MAPRE2: variants seen among roughly 807,000 people sequenced by gnomAD.
The protein encoded by MAPRE2 is microtubule-associated protein RP/EB family member 2.
A neutral mutation model predicts 43.2 loss-of-function variants in MAPRE2; 13 were observed. That is an observed-to-expected ratio of 0.30 (90% CI 0.20 to 0.48). The LOEUF is 0.48. Among genes scored for constraint, MAPRE2 ranks in the 20% least tolerant of loss-of-function variants. The pLI is 0.99. For synonymous variants in MAPRE2, 135 were observed against 148.8 expected, an observed-to-expected ratio of 0.91 and a Z score of 0.68; for missense variants, 161 against 400.2, an observed-to-expected ratio of 0.40 and a Z score of 5.10.
chr18:35,110,539 C>T (rs1386097096), intron 4 of MAPRE2, among the ~76,000 whole-genome samples: 1 of 152,040 alleles, frequency 6.6e-6, no homozygotes, highest in Admixed American at 6.6e-5. Flanking sequence ...CTATTTTCAA[C>T]GTTCTTCATT....
rs1304181067 is a variant in MAPRE2, at chr18:35,015,980, G to T, written c.-8+10427G>T. Among the ~76,000 whole-genome samples, 3 of 151,910 alleles carry T rather than the reference G, an allele frequency of 2.0e-5. No individual in the cohort carries two copies. The East Asian group carries it at 5.8e-4, about 29-fold the overall frequency. On this transcript the variant is annotated intron_variant, in intron 2 of 7. Coordinates refer to the MAPRE2 transcript ENST00000413393. The stretch of plus-strand genomic sequence containing the variant: ...TCCTTCTGCACTCTAGTAGTCCCCA[G>T]TTTCTATTGTTGCCATCTTTATGTC...
chr18:35,132,621 G>A (rs1910208707), intron 6 of MAPRE2, among the ~76,000 whole-genome samples: 1 of 152,134 alleles, frequency 6.6e-6, no homozygotes, highest in Non-Finnish European at 1.5e-5. Flanking sequence ...TTCGTAGCTG[G>A]TTGTCTTGGT....
chr18:35,036,175 G>A (rs943154758), intron 2 of MAPRE2, among the ~76,000 whole-genome samples: 4 of 151,856 alleles, frequency 2.6e-5, no homozygotes, highest in Admixed American at 2.0e-4. Flanking sequence ...CATTTGAGAT[G>A]TCTCTTCCTC....
chr18:34,998,772 ATTT>A (rs67933808), intron 1 of MAPRE2, among the ~76,000 whole-genome samples: 1,319 of 93,614 alleles, frequency 0.014, 19 homozygotes, highest in African/African-American at 0.055. Context: ...CGAAGTTGCA[ATTT>A]TTTTTTTTTT....
chr18:35,044,577 C>A (rs548964772), intron 1 of MAPRE2, among the ~76,000 whole-genome samples: 2 of 152,328 alleles, frequency 1.3e-5, no homozygotes, highest in South Asian at 4.1e-4. Flanking sequence ...AAATATCTAG[C>A]CCCCGTTGTT....
intron 4 of MAPRE2, among the ~76,000 whole-genome samples, chr18:35,116,731 G>A (rs1048457167): frequency 6.6e-6 from 1 of 152,204 alleles, no homozygotes; most frequent in Non-Finnish European, 1.5e-5. Flanking sequence ...TTGTCAGCAA[G>A]ACAGTCATGT....
At chr18:35,047,548 T>C (rs1443136084) in intron 1 of MAPRE2, among the ~76,000 whole-genome samples, 5 of 152,192 alleles carry the variant, frequency 3.3e-5, no homozygotes, top group Admixed American at 1.3e-4. Context: ...CAAGAAATTA[T>C]GCAACATTTA....
intron 2 of MAPRE2, among the ~76,000 whole-genome samples, chr18:35,086,219 C>T (rs1283142828): frequency 6.6e-6 from 1 of 151,796 alleles, no homozygotes; most frequent in African/African-American, 2.4e-5. Context: ...TGTTGCATTT[C>T]TGGAAAAGTG....
chr18:35,041,263 C>G, upstream of MAPRE2: 1 of 1,309,632 alleles, frequency 7.6e-7, no homozygotes, highest in Non-Finnish European at 9.9e-7. Flanking sequence ...GTGGTCACGC[C>G]GCGACCCTGT....
At chr18:35,134,071 A>T (rs1408350407) in intron 6 of MAPRE2, among the ~76,000 whole-genome samples, 1 of 152,206 alleles carries the variant, frequency 6.6e-6, no homozygotes, top group African/African-American at 2.4e-5. Context: ...CTTCTGAGAC[A>T]CCTGGTTGGG....
upstream of MAPRE2, among the ~76,000 whole-genome samples, chr18:35,038,903 C>T (rs966799215): frequency 1.2e-4 from 19 of 152,300 alleles, no homozygotes; most frequent in South Asian, 2.1e-4. Flanking sequence ...AAGATTTACG[C>T]GGCCCTTGGG....
At chr18:35,110,417 T>G (rs754320335) in intron 4 of MAPRE2, among the ~76,000 whole-genome samples, 1 of 152,152 alleles carries the variant, frequency 6.6e-6, no homozygotes, top group Non-Finnish European at 1.5e-5. Context: ...CTTTTTGATG[T>G]GGCTACTAGA....
intron 1 of MAPRE2, among the ~76,000 whole-genome samples, chr18:34,985,495 T>TAA (rs1312861478): frequency 2.3e-5 from 1 of 43,398 alleles, no homozygotes; most frequent in Non-Finnish European, 4.0e-5. Flanking sequence ...ATATTGTATA[T>TAA]TATATAATAT....
chr18:35,089,372 T>G (rs1908033040), intron 2 of MAPRE2, among the ~76,000 whole-genome samples: 1 of 152,074 alleles, frequency 6.6e-6, no homozygotes, highest in South Asian at 2.1e-4. Context: ...GAAAAAACAG[T>G]CCACAGAATG....
intron 1 of MAPRE2, chr18:34,978,376 C>A: frequency 1.2e-6 from 1 of 806,246 alleles, no homozygotes. Context: ...ATAGTATCGA[C>A]CCTGGGGCCG....
Position 35,098,256 on chromosome 18 carries a change from A to G in MAPRE2, c.396+665A>G, listed in dbSNP as rs999065732. The stretch of plus-strand genomic sequence containing the variant: ...TGCTATTTAAATACATACTTAATCT[A>G]TATTCCTTATTTAGGATATATCTCT... On this transcript the variant is annotated intron_variant, in intron 3 of 6. Coordinates refer to ENST00000300249, the MANE Select transcript of MAPRE2 (RefSeq NM_014268.4). Among the ~76,000 whole-genome samples, 5 of 152,294 alleles carry G rather than the reference A, an allele frequency of 3.3e-5. No homozygotes were observed. The South Asian group carries it at 1.0e-3, about 32-fold the overall frequency.
chr18:35,022,536 C>T (rs184121940), intron 2 of MAPRE2, among the ~76,000 whole-genome samples: 359 of 152,096 alleles, frequency 2.4e-3, no homozygotes, highest in African/African-American at 8.5e-3. Context: ...GAAAAAAATC[C>T]ATTTGACTTT....
chr18:35,113,005 G>T (rs187508449), intron 4 of MAPRE2, among the ~76,000 whole-genome samples: 3 of 152,240 alleles, frequency 2.0e-5, no homozygotes, highest in Admixed American at 6.5e-5. Context: ...TTTTATAAGG[G>T]CATTGATCTC....
chr18:35,083,728 A>G (rs1464998842), intron 2 of MAPRE2, among the ~76,000 whole-genome samples: 2 of 152,246 alleles, frequency 1.3e-5, no homozygotes, highest in Non-Finnish European at 2.9e-5. Context: ...CTAGGCATGA[A>G]ACTGAGCGCT....
Sources: gnomAD v4.1 joint callset for allele counts (sites outside exome capture counted in the v4.1 genomes callset) on GRCh38, gnomAD v4.1.1 for gene constraint, MANE v1.5 for transcripts, NCBI Gene and HGNC (gene_info 2026-07-23, HGNC 2026-07-21) for gene names.